Variants in MAGI2 observed in about 807,000 individuals in gnomAD.
MAGI2 encodes membrane associated guanylate kinase, WW and PDZ domain containing 2, also known as membrane-associated guanylate kinase, WW and PDZ domain-containing protein 2.
In MAGI2, 35 loss-of-function variants were observed where a neutral mutation model predicts 133.3. The observed-to-expected ratio is 0.26, with a 90% confidence interval of 0.20 to 0.35. The LOEUF (loss-of-function observed/expected upper bound fraction) is 0.35. MAGI2 is among the 10% of genes least tolerant of loss of function. The pLI is 1.00. For synonymous variants in MAGI2, 729 were observed against 710.6 expected (o/e 1.03, Z -0.41); for missense variants, 1,636 against 1,863.4 (o/e 0.88, Z 2.25).
At chr7:78,149,686 T>A (rs1449627125) in intron 16 of MAGI2, among the ~76,000 whole-genome samples, 1 of 152,246 alleles carries the variant, frequency 6.6e-6, no homozygotes. Context: ...CAAAACCTTT[T>A]ACATGTGCTC....
At chr7:78,313,618 T>C (rs1209325410) in intron 9 of MAGI2, among the ~76,000 whole-genome samples, 1 of 145,096 alleles carries the variant, frequency 6.9e-6, no homozygotes, top group East Asian at 2.1e-4. Flanking sequence ...ATAGGTACTT[T>C]GCTATTGGTA....
chr7:78,460,873 C>A (rs1332338995), intron 6 of MAGI2, among the ~76,000 whole-genome samples: 2 of 152,098 alleles, frequency 1.3e-5, no homozygotes, highest in Non-Finnish European at 2.9e-5. Flanking sequence ...TATTCACTGG[C>A]TTTGGGTCTC....
At chr7:79,246,655 T>C (rs772211290) in intron 1 of MAGI2, among the ~76,000 whole-genome samples, 1 of 151,654 alleles carries the variant, frequency 6.6e-6, no homozygotes, top group Non-Finnish European at 1.5e-5. Flanking sequence ...ACTATAAATC[T>C]AGAAAAAAAA....
intron 1 of MAGI2, among the ~76,000 whole-genome samples, chr7:79,144,052 T>A (rs1332799025): frequency 6.6e-6 from 1 of 152,208 alleles, no homozygotes; most frequent in East Asian, 1.9e-4. Flanking sequence ...AGTATCCTAC[T>A]TGCTTTTTGC....
intron 1 of MAGI2, among the ~76,000 whole-genome samples, chr7:79,287,500 C>T (rs1016612037): frequency 2.0e-5 from 3 of 152,102 alleles, no homozygotes; most frequent in African/African-American, 7.2e-5. Flanking sequence ...AGAATCAATT[C>T]TGGAAGTGCT....
intron 2 of MAGI2, among the ~76,000 whole-genome samples, chr7:78,736,430 C>T (rs903537607): frequency 6.6e-6 from 1 of 152,106 alleles, no homozygotes; most frequent in Non-Finnish European, 1.5e-5. Flanking sequence ...TTTTAAGAAC[C>T]ATACTTCCAG....
chr7:79,328,641 G>A (rs973128347), intron 1 of MAGI2, among the ~76,000 whole-genome samples: 1 of 152,156 alleles, frequency 6.6e-6, no homozygotes, highest in East Asian at 1.9e-4. Context: ...TGCATAATAA[G>A]TGCTCAATAA....
chr7:78,075,826 G>A (rs566380943), intron 21 of MAGI2, among the ~76,000 whole-genome samples: 9 of 152,134 alleles, frequency 5.9e-5, no homozygotes, highest in Non-Finnish European at 1.2e-4. Context: ...ATCACTTGAT[G>A]ACATTATCCT....
chr7:78,966,833 G>A (rs1258524992), intron 2 of MAGI2, among the ~76,000 whole-genome samples: 3 of 113,660 alleles, frequency 2.6e-5, no homozygotes, highest in Admixed American at 9.7e-5. Flanking sequence ...TTGCCTACAC[G>A]TCTTTTTTTT....
At chr7:79,361,149 T>G (rs1444075139) in intron 1 of MAGI2, among the ~76,000 whole-genome samples, 1 of 152,184 alleles carries the variant, frequency 6.6e-6, no homozygotes, top group Non-Finnish European at 1.5e-5. Flanking sequence ...TAAAGTACTT[T>G]TCTACTAGGA....
intron 3 of MAGI2, chr7:78,614,974 A>G (rs1806918512): frequency 6.6e-6 from 1 of 152,160 alleles, no homozygotes; most frequent in African/African-American, 2.4e-5. Context: ...GGGTTGCAAT[A>G]TTTTGATTAC....
chr7:78,119,066 A>G (rs1299430425), intron 20 of MAGI2, among the ~76,000 whole-genome samples: 1 of 152,204 alleles, frequency 6.6e-6, no homozygotes, highest in African/African-American at 2.4e-5. Flanking sequence ...AAAGGCTACT[A>G]CATACTGTAT....
At chr7:78,504,633 AAAAAT>A (rs778730845) in intron 4 of MAGI2, among the ~76,000 whole-genome samples, 31 of 152,180 alleles carry the variant, frequency 2.0e-4, no homozygotes, top group Non-Finnish European at 4.6e-4. Context: ...ATTAAAATAA[AAAAAT>A]ACAAATACAC....
At chr7:78,201,310 A>G in intron 10 of MAGI2, 117 bp from the exon 11 acceptor site, 1 of 512,140 alleles carries the variant, frequency 2.0e-6, no homozygotes, top group East Asian at 3.4e-5. Context: ...GAACAATAAC[A>G]AAAACTTCTG....
intron 1 of MAGI2, among the ~76,000 whole-genome samples, chr7:79,186,751 GTATATATA>G (rs67211187): frequency 6.4e-4 from 82 of 129,124 alleles, no homozygotes; most frequent in Middle Eastern, 4.0e-3. Flanking sequence ...TTATACAAAA[GTATATATA>G]TATATATATA....
At chr7:79,055,260 A>C (rs993960148) in intron 1 of MAGI2, among the ~76,000 whole-genome samples, 1 of 150,038 alleles carries the variant, frequency 6.7e-6, no homozygotes, top group Non-Finnish European at 1.5e-5. Context: ...AAGCTCACTA[A>C]AACATAAACT....
At chr7:79,103,599 G>A (rs932830039) in intron 1 of MAGI2, among the ~76,000 whole-genome samples, 5 of 152,332 alleles carry the variant, frequency 3.3e-5, no homozygotes, top group Non-Finnish European at 5.9e-5. Context: ...AATTAGGAAT[G>A]TGGTTATATT....
At chr7:78,644,040 A>G (rs1039710889) in intron 2 of MAGI2, among the ~76,000 whole-genome samples, 6 of 152,192 alleles carry the variant, frequency 3.9e-5, no homozygotes, top group African/African-American at 1.4e-4. Flanking sequence ...TAATAATATC[A>G]GAAAAAGTAG....
At chr7:78,881,255 A>C (rs185673748) in intron 2 of MAGI2, among the ~76,000 whole-genome samples, 60 of 152,150 alleles carry the variant, frequency 3.9e-4, no homozygotes, top group Non-Finnish European at 8.4e-4. Flanking sequence ...CCACCAATCA[A>C]CCACAGAGTA....
Sources: allele counts gnomAD v4.1 joint callset (sites outside exome capture counted in the v4.1 genomes callset), GRCh38; gene constraint gnomAD v4.1.1; transcripts MANE v1.5; gene names NCBI Gene and HGNC (gene_info 2026-07-23, HGNC 2026-07-21).